Variants in ARHGEF3 observed in about 807,000 individuals in gnomAD.
The protein encoded by ARHGEF3 is 59.8 kDA protein.
Under a neutral mutation model 63.2 loss-of-function variants are expected in ARHGEF3, and 28 were observed. That is an observed-to-expected ratio of 0.44 (90% CI 0.33 to 0.61). ARHGEF3 has a LOEUF of 0.61. ARHGEF3 is among the 20% of genes least tolerant of loss of function. The pLI, the probability that ARHGEF3 is intolerant of heterozygous loss-of-function variation, is 0.03. For synonymous variants in ARHGEF3, 266 were observed against 254.2 expected (o/e 1.05, Z -0.44); for missense variants, 533 against 659.3 (o/e 0.81, Z 2.10).
At chr3:56,886,979 T>C (rs1434508666) in intron 3 of ARHGEF3, among the ~76,000 whole-genome samples, 1 of 152,166 alleles carries the variant, frequency 6.6e-6, no homozygotes. Context: ...TAGGAAGGTG[T>C]TGAGCATGAG....
chr3:56,994,649 G>A (rs1368672508), intron 2 of ARHGEF3, among the ~76,000 whole-genome samples: 4 of 151,886 alleles, frequency 2.6e-5, no homozygotes. Context: ...GCAACGGTAT[G>A]GATGGGTAAT....
chr3:56,949,578 G>A (rs1441792705), intron 3 of ARHGEF3, among the ~76,000 whole-genome samples: 4 of 151,978 alleles, frequency 2.6e-5, no homozygotes, highest in South Asian at 2.1e-4. Context: ...TACAAGGGAC[G>A]TGAAGGACCT....
chr3:57,078,533 CA>C (rs981100871), intron 1 of ARHGEF3: 39 of 152,554 alleles, frequency 2.6e-4, no homozygotes, highest in African/African-American at 9.4e-4. Flanking sequence ...CTTCCAGCCT[CA>C]GAAAACGCTC....
intron 4 of ARHGEF3, among the ~76,000 whole-genome samples, chr3:56,872,573 G>A (rs956692178): frequency 1.4e-5 from 2 of 148,128 alleles, no homozygotes; most frequent in Admixed American, 6.8e-5. Flanking sequence ...GCAGTGGCAC[G>A]ATCTTGGCTC....
intron 4 of ARHGEF3, among the ~76,000 whole-genome samples, chr3:56,881,649 GA>G (rs112996968): frequency 5.4e-5 from 8 of 148,302 alleles, no homozygotes; most frequent in South Asian, 2.1e-4. Flanking sequence ...GATTTAAAAA[GA>G]AAAAAAAAAT....
chr3:56,955,897 A>T (rs1000232963), intron 3 of ARHGEF3, among the ~76,000 whole-genome samples: 1 of 152,194 alleles, frequency 6.6e-6, no homozygotes, highest in Non-Finnish European at 1.5e-5. Context: ...GTCACTGTGG[A>T]TTACACTCTG....
intron 2 of ARHGEF3, among the ~76,000 whole-genome samples, chr3:57,018,654 G>A (rs941100575): frequency 6.6e-6 from 1 of 152,114 alleles, no homozygotes; most frequent in South Asian, 2.1e-4. Context: ...CACATTTGGG[G>A]GAGGTTGTGA....
At chr3:56,776,269 G>C (rs2036282388) in intron 1 of ARHGEF3, among the ~76,000 whole-genome samples, 1 of 152,218 alleles carries the variant, frequency 6.6e-6, no homozygotes, top group South Asian at 2.1e-4. Context: ...CAGCCTCTCT[G>C]AAGGTTGAGT....
intron 4 of ARHGEF3, among the ~76,000 whole-genome samples, chr3:56,850,662 T>C (rs139885502): frequency 6.6e-6 from 1 of 152,376 alleles, no homozygotes; most frequent in East Asian, 1.9e-4. Flanking sequence ...TTTACAAAAT[T>C]GAATTGTGTA....
intron 3 of ARHGEF3, among the ~76,000 whole-genome samples, chr3:56,926,042 C>T (rs1485291298): frequency 3.9e-5 from 6 of 152,314 alleles, no homozygotes; most frequent in South Asian, 2.1e-4. Context: ...CCAGAGGAGA[C>T]GCAGACCTGT....
chr3:56,790,837 C>T (rs2037044302), intron 1 of ARHGEF3, among the ~76,000 whole-genome samples: 1 of 152,188 alleles, frequency 6.6e-6, no homozygotes, highest in African/African-American at 2.4e-5. Context: ...CTTTTTCTTT[C>T]TGTAGCGTCT....
At chr3:57,062,533 T>G (rs944379289) in intron 1 of ARHGEF3, among the ~76,000 whole-genome samples, 2 of 152,216 alleles carry the variant, frequency 1.3e-5, no homozygotes, top group Non-Finnish European at 2.9e-5. Flanking sequence ...CCAGCACAGA[T>G]GCTGCATAAT....
intron 9 of ARHGEF3, 105 bp from the exon 10 acceptor site, chr3:56,729,727 T>C (rs2107675001): frequency 3.1e-6 from 3 of 963,176 alleles, no homozygotes; most frequent in Admixed American, 5.2e-5. Context: ...ATGGCAGGTA[T>C]TGCTGATAAC....
intron 2 of ARHGEF3, among the ~76,000 whole-genome samples, chr3:57,025,019 T>G (rs1703414987): frequency 1.3e-5 from 2 of 152,036 alleles, no homozygotes; most frequent in East Asian, 3.9e-4. Context: ...TCACTTGAAG[T>G]TCATGGAACT....
intron 3 of ARHGEF3, among the ~76,000 whole-genome samples, chr3:56,892,819 T>A (rs941159658): frequency 1.3e-5 from 2 of 152,236 alleles, no homozygotes. Flanking sequence ...TCTGGTAATG[T>A]CTTATCAGCC....
intron 2 of ARHGEF3, among the ~76,000 whole-genome samples, chr3:56,961,675 A>G (rs559511766): frequency 3.9e-5 from 6 of 151,930 alleles, no homozygotes; most frequent in African/African-American, 1.4e-4. Context: ...GGCTGTCCCT[A>G]ATTGTTAGCT....
intron 2 of ARHGEF3, among the ~76,000 whole-genome samples, chr3:57,003,988 T>C (rs561355551): frequency 2.1e-4 from 32 of 152,242 alleles, no homozygotes; most frequent in Non-Finnish European, 3.8e-4. Context: ...TTTGTGGTAA[T>C]TTGTTACAGC....
At position 57,034,548 on chromosome 3, in the gene ARHGEF3, C is replaced by T. The variant is rs541420022; in HGVS notation, c.62+540G>A. On this transcript the variant is annotated intron_variant, in intron 2 of 12. Transcript: ENST00000338458. ...TTCCTTCTAAGTCTTAGAAAAATCC[C>T]ATCATACTGAATGGCATTCCTCCTC... Among the ~76,000 whole-genome samples, 5 of 152,134 alleles carry T rather than the reference C, an allele frequency of 3.3e-5. No homozygotes were observed. The South Asian group carries it at 1.0e-3, about 32-fold the overall frequency.
At chr3:56,748,680 T>G (rs542697098) in intron 6 of ARHGEF3, among the ~76,000 whole-genome samples, 2 of 152,214 alleles carry the variant, frequency 1.3e-5, no homozygotes, top group South Asian at 4.1e-4. Context: ...TGAAAAAACG[T>G]TGGCATAGAG....
Sources: allele counts gnomAD v4.1 joint callset (sites outside exome capture counted in the v4.1 genomes callset), GRCh38; gene constraint gnomAD v4.1.1; transcripts MANE v1.5; gene names NCBI Gene and HGNC (gene_info 2026-07-23, HGNC 2026-07-21).